Variants in STAG1 observed in about 807,000 individuals in gnomAD.
The protein encoded by STAG1 is cohesin subunit SA-1.
Under a neutral mutation model 170.9 loss-of-function variants are expected in STAG1, and 26 were observed. The ratio of observed to expected loss-of-function variants is 0.15; its 90% CI spans 0.11 to 0.21. The LOEUF is 0.21. STAG1 is among the 10% of genes least tolerant of loss of function. The pLI is 1.00. For synonymous variants in STAG1, 514 were observed against 497.7 expected, an observed-to-expected ratio of 1.03 and a Z score of -0.44; for missense variants, 964 against 1,509.5, an observed-to-expected ratio of 0.64 and a Z score of 5.99.
chr3:136,491,277 C>A (rs1329349318), intron 9 of STAG1, among the ~76,000 whole-genome samples: 1 of 152,100 alleles, frequency 6.6e-6, no homozygotes, highest in Non-Finnish European at 1.5e-5. Context: ...ACTACCATGA[C>A]CAAGGGCTTC....
rs1249195252 is a variant in STAG1 at position 136,405,053 on chromosome 3, A to G, written c.2197-6224T>C. Among the ~76,000 whole-genome samples, 6 of 152,170 alleles carry G rather than the reference A, an allele frequency of 3.9e-5. No homozygotes were observed. In the East Asian group the frequency reaches 1.2e-3, roughly 29 times the overall value. On this transcript the variant is annotated intron_variant, in intron 21 of 33. Transcript: ENST00000383202. ...TGGACATGTGCATGATAAAAGAGTG[A>G]ACTAAACTTAATTGTGTCTGATAGC...
chr3:136,678,716 C>T lies in STAG1; in HGVS notation c.-83-47735G>A, dbSNP rs376324597. On this transcript the variant is annotated intron_variant, in intron 1 of 33. Coordinates refer to ENST00000383202, the MANE Select transcript of STAG1 (RefSeq NM_005862.3). ...GCTTCTGCAATTTGAAAAAGATAAA[C>T]AACTCAAAATTAGGTGCCATGTGTG... Among the ~76,000 whole-genome samples the T allele has an allele frequency of 6.6e-5, 10 of 151,264 alleles. No individual in the cohort carries two copies. The East Asian group carries it at 1.9e-3, about 29-fold the overall frequency.
intron 20 of STAG1, among the ~76,000 whole-genome samples, chr3:136,419,532 C>A (rs991204967): frequency 6.6e-6 from 1 of 151,894 alleles, no homozygotes; most frequent in African/African-American, 2.4e-5. Context: ...ACAATCTCTG[C>A]CTCCTGGGTT....
At chr3:136,600,573 C>T (rs969544239) in intron 4 of STAG1, among the ~76,000 whole-genome samples, 5 of 152,182 alleles carry the variant, frequency 3.3e-5, no homozygotes, top group Admixed American at 2.6e-4. Flanking sequence ...GCTCTGTCAC[C>T]CAGGCTGGCG....
chr3:136,485,151 A>G (rs1427194484), intron 9 of STAG1, among the ~76,000 whole-genome samples: 1 of 152,174 alleles, frequency 6.6e-6, no homozygotes, highest in Non-Finnish European at 1.5e-5. Context: ...TTTATAATGA[A>G]TACAGTATAA....
intron 1 of STAG1, among the ~76,000 whole-genome samples, chr3:136,722,878 G>C (rs1417781093): frequency 6.6e-6 from 1 of 152,300 alleles, no homozygotes; most frequent in East Asian, 1.9e-4. Flanking sequence ...TTTTTTGGTG[G>C]AGACGGGGTT....
rs151026153 is a variant in STAG1 at position 136,422,841 on chromosome 3, T to A, written c.1760A>T (p.Glu587Val). 6.2e-7 allele frequency: 1 copy of A among 1,609,796 alleles called. No individual in the cohort carries two copies. Among genetic ancestry groups the A allele is most frequent in the African/African-American group, 1.3e-5 (1 of 74,858 alleles). ...GATTTGTAGCAAGTTTGCTACCTTC[T>A]CTGCATCTGCAGAATACTAGAAGGA... ...MLLSKYSADA[E>V]KVANLLQIPQ... Residue 587 changes from glutamate to valine, a missense_variant, in exon 18 of 34, where the codon GAG (glutamate) becomes GTG (valine). Transcript: ENST00000383202.
intron 6 of STAG1, among the ~76,000 whole-genome samples, chr3:136,524,223 A>C (rs543194558): frequency 6.4e-4 from 98 of 152,316 alleles, no homozygotes; most frequent in African/African-American, 2.3e-3. Flanking sequence ...ATTCCTATCC[A>C]TGAGCATGGA....
In STAG1 at chr3:136,690,293, G is replaced by A. The variant is rs1942679769; in HGVS notation, c.-83-59312C>T. On this transcript the variant is annotated intron_variant, in intron 1 of 33. Coordinates refer to ENST00000383202, the MANE Select transcript of STAG1 (RefSeq NM_005862.3). ...ACTCTGTTGCCCAGGCTGGAGTGCA[G>A]TGGCACAATCTCAGCACTTTGCAAC... 2.0e-5 allele frequency among the ~76,000 whole-genome samples: 3 copies of A among 152,154 alleles called. No individual in the cohort carries two copies. In the South Asian group the frequency reaches 6.2e-4, roughly 32 times the overall value.
intron 9 of STAG1, among the ~76,000 whole-genome samples, chr3:136,498,265 CACACACACCACACACACATA>C (rs1559841938): frequency 2.2e-5 from 2 of 90,976 alleles, no homozygotes; most frequent in Non-Finnish European, 3.9e-5. Context: ...CACACACACA[CACACACACCACACACACATA>C]CACACACACA....
chr3:136,690,667 A>G (rs1247142336), intron 1 of STAG1, among the ~76,000 whole-genome samples: 2 of 152,156 alleles, frequency 1.3e-5, no homozygotes, highest in African/African-American at 4.8e-5. Context: ...AGGAAGGGGT[A>G]AAAGAGTCAC....
intron 1 of STAG1, among the ~76,000 whole-genome samples, chr3:136,711,794 C>A (rs1194749447): frequency 6.6e-6 from 1 of 151,414 alleles, no homozygotes; most frequent in Non-Finnish European, 1.5e-5. Context: ...AACTGGATAT[C>A]CATTTGAAAA....
chr3:136,567,083 T>C (rs1053548009), intron 5 of STAG1, among the ~76,000 whole-genome samples: 7 of 151,408 alleles, frequency 4.6e-5, no homozygotes, highest in African/African-American at 1.2e-4. Context: ...TGTAGATGGA[T>C]GGGAAGACAG....
chr3:136,376,789 T>A (rs1214453305), intron 23 of STAG1, among the ~76,000 whole-genome samples: 1 of 151,872 alleles, frequency 6.6e-6, no homozygotes, highest in Non-Finnish European at 1.5e-5. Flanking sequence ...TGGTGTAGAA[T>A]TCTTTTTTTT....
intron 16 of STAG1, among the ~76,000 whole-genome samples, chr3:136,423,856 TTTTTTTTTTA>T (rs1258528909): frequency 7.9e-5 from 12 of 151,930 alleles, no homozygotes; most frequent in African/African-American, 2.2e-4. Context: ...GTTCAGTCTT[TTTTTTTTTTA>T]TTTTTTTTTA....
intron 16 of STAG1, among the ~76,000 whole-genome samples, chr3:136,431,199 C>A (rs2088293859): frequency 6.6e-6 from 1 of 151,970 alleles, no homozygotes; most frequent in South Asian, 2.1e-4. Context: ...CCACTGCACC[C>A]AGCCCATTCC....
chr3:136,444,078 CTT>C (rs1260005952), intron 14 of STAG1, among the ~76,000 whole-genome samples: 3 of 145,674 alleles, frequency 2.1e-5, no homozygotes, highest in Non-Finnish European at 3.0e-5. Flanking sequence ...GAATATTATC[CTT>C]TTTTTTTTTT....
At chr3:136,438,186 A>G (rs563178606) in intron 15 of STAG1, among the ~76,000 whole-genome samples, 1 of 151,018 alleles carries the variant, frequency 6.6e-6, no homozygotes, top group Non-Finnish European at 1.5e-5. Flanking sequence ...CTCTATCTAG[A>G]TAGCTCTTTT....
At chr3:136,386,463 T>C (rs1264422614) in intron 22 of STAG1, among the ~76,000 whole-genome samples, 1 of 152,162 alleles carries the variant, frequency 6.6e-6, no homozygotes, top group Admixed American at 6.6e-5. Flanking sequence ...AGAAAGAAGC[T>C]TTCCTAAAGG....
Sources: gnomAD v4.1 joint callset for allele counts (sites outside exome capture counted in the v4.1 genomes callset) on GRCh38, gnomAD v4.1.1 for gene constraint, MANE v1.5 for transcripts, NCBI Gene and HGNC (gene_info 2026-07-23, HGNC 2026-07-21) for gene names.